Variants in KCNQ1 observed in about 807,000 individuals in gnomAD.
KCNQ1 encodes potassium voltage-gated channel subfamily KQT member 1.
Under a neutral mutation model 72.4 loss-of-function variants are expected in KCNQ1, and 49 were observed. The observed-to-expected ratio is 0.68, with a 90% CI of 0.54 to 0.86. The LOEUF is 0.86. KCNQ1 is among the 40% of genes least tolerant of loss of function. KCNQ1 has a pLI of 0.00. For synonymous variants in KCNQ1, 450 were observed against 412.6 expected (o/e 1.09, Z -1.10); for missense variants, 790 against 945.1 (o/e 0.84, Z 2.15).
chr11:2,847,914 G>T lies in KCNQ1; in HGVS notation c.1942G>T (p.Val648Phe). 1 of 1,576,324 alleles carries T rather than the reference G, an allele frequency of 6.3e-7. No individual in the cohort carries two copies. The change falls in exon 16 of 16, where the codon GTC (valine) becomes TTC (phenylalanine). Residue 648 changes from valine to phenylalanine, a missense_variant. Physicochemically the swap from Val to Phe is conservative, Grantham distance 50. Transcript: ENST00000155840. ...ITQPCGSGGS[V>F]DPELFLPSNT... ...CCAGCCCTGCGGCAGTGGCGGCTCC[G>T]TCGACCCTGAGCTCTTCCTGCCCAG...
chr11:2,788,262 A>G (rs1486287858), intron 15 of KCNQ1, among the ~76,000 whole-genome samples: 1 of 150,564 alleles, frequency 6.6e-6, no homozygotes, highest in Non-Finnish European at 1.5e-5. Flanking sequence ...CTCATGACCC[A>G]CGCCTCCCCG....
At chr11:2,506,230 T>C (rs1847102918) in intron 1 of KCNQ1, among the ~76,000 whole-genome samples, 1 of 152,224 alleles carries the variant, frequency 6.6e-6, no homozygotes. Context: ...CCATATTGAG[T>C]TAATTTTTTA....
intron 2 of KCNQ1, among the ~76,000 whole-genome samples, chr11:2,540,932 C>T (rs1847812664): frequency 6.6e-6 from 1 of 152,226 alleles, no homozygotes; most frequent in Non-Finnish European, 1.5e-5. Flanking sequence ...GAAAAACACA[C>T]TCGTGTCCAG....
At chr11:2,545,944 T>G (rs1284311634) in intron 2 of KCNQ1, among the ~76,000 whole-genome samples, 1 of 152,204 alleles carries the variant, frequency 6.6e-6, no homozygotes, top group Non-Finnish European at 1.5e-5. Flanking sequence ...TTAGCAAATT[T>G]ATGGATCTCA....
chr11:2,481,636 G>A lies in KCNQ1; in HGVS notation c.386+36152G>A, dbSNP rs1026533432. Reference sequence around the variant, plus strand: ...CACTCCCCATCACTCGCATTACCGCGTGAGCTCTGCCTCCTATCAGATCAG... The same window carrying A: ...CACTCCCCATCACTCGCATTACCGCATGAGCTCTGCCTCCTATCAGATCAG... On this transcript the variant is annotated intron_variant, in intron 1 of 15. Coordinates refer to ENST00000155840, the MANE Select transcript of KCNQ1 (RefSeq NM_000218.3). This position sits in a 1 kb window ranked among gnomAD's most constrained non-coding sequence, Gnocchi z 4.6. Among the ~76,000 whole-genome samples the A allele has an allele frequency of 5.3e-5, 8 of 152,178 alleles. No individual in the cohort carries two copies. Among genetic ancestry groups the A allele is most frequent in the South Asian group, 2.1e-4 (1 of 4,826 alleles).
chr11:2,815,668 C>T lies in KCNQ1; in HGVS notation c.1795-32099C>T, dbSNP rs1847598437. Among the ~76,000 whole-genome samples, 1 of 152,138 alleles carries T rather than the reference C, an allele frequency of 6.6e-6. No homozygotes were observed. The highest frequency in any genetic ancestry group is 1.5e-5 in the Non-Finnish European group (1 of 68,018). ...ATCGCCCCCAGCCCCAGGCTGACCC[C>T]AGTCCCTCCCTATGCAGGCAGAGGG... is the stretch of plus-strand genomic sequence containing the variant. On this transcript the variant is annotated intron_variant, in intron 15 of 15. Transcript: ENST00000155840. The surrounding 1 kb of genome is among the most constrained non-coding windows in gnomAD (Gnocchi z 5.4).
intron 1 of KCNQ1, among the ~76,000 whole-genome samples, chr11:2,448,622 G>A (rs557313445): frequency 2.4e-4 from 36 of 152,354 alleles, no homozygotes; most frequent in African/African-American, 7.7e-4. Context: ...GTGGGGCTGG[G>A]CACAGAGGAG....
In KCNQ1 at chr11:2,445,663, G is replaced by A. The variant is rs61080312; in HGVS notation, c.386+179G>A. Among the ~76,000 whole-genome samples the A allele has an allele frequency of 4.7e-3, 717 of 152,296 alleles. 6 individuals are homozygous for A. Among genetic ancestry groups the A allele is most frequent in the African/African-American group, 0.016 (673 of 41,554 alleles). On this transcript the variant is annotated intron_variant, in intron 1 of 15. Transcript: ENST00000155840. ...CTCTCCCTTGAAGTTCAGAGGCGCT[G>A]CTGTGTCTGGGGGTGCGCATCTTCT...
intron 11 of KCNQ1, among the ~76,000 whole-genome samples, chr11:2,717,081 A>C (rs1219773647): frequency 1.3e-5 from 2 of 152,156 alleles, no homozygotes; most frequent in East Asian, 1.9e-4. Flanking sequence ...TCCACCATGA[A>C]GTGGCCGGGG....
rs1189997127 is a variant in KCNQ1, at chr11:2,456,776, A to C, written c.386+11292A>C. 2.5e-4 allele frequency among the ~76,000 whole-genome samples: 34 copies of C among 137,610 alleles called. 1 individual carries two copies. In the South Asian group the frequency reaches 4.9e-3, roughly 20 times the overall value. The allele number at this position is 137,610 out of a possible 152,430, so 90.3% of individuals were successfully genotyped here. A position where few individuals can be genotyped will look rare whatever the true frequency, so the allele number is the denominator to read the frequency against. ...CTCTACTAAAAATCCAAAAAAAAAAAAAAAAAAAAAAAATTAGCCGGGCGT... is the reference window on the plus strand; with the variant it reads ...CTCTACTAAAAATCCAAAAAAAAAACAAAAAAAAAAAAATTAGCCGGGCGT... On this transcript the variant is annotated intron_variant, in intron 1 of 15. Transcript: ENST00000155840.
At position 2,848,560 on chromosome 11, in the gene KCNQ1, G is replaced by A. The variant is rs1410284676; in HGVS notation, c.*557G>A. On this transcript the variant is annotated 3_prime_UTR_variant, in exon 16 of 16. Transcript: ENST00000155840. The stretch of plus-strand genomic sequence containing the variant: ...ACTCTCAGGAAATGCTGACCCATGG[G>A]CAGGAGACTGTGGAGACTGCTCCTG... 8 of 454,164 alleles carry A rather than the reference G, an allele frequency of 1.8e-5. No individual in the cohort carries two copies. The East Asian group carries it at 5.5e-4, about 31-fold the overall frequency. The allele number at this position is 454,164 out of a possible 1,614,324, so 28.1% of individuals were successfully genotyped here. A position where few individuals can be genotyped will look rare whatever the true frequency, so the allele number is the denominator to read the frequency against.
At chr11:2,505,069 T>G (rs561951710) in intron 1 of KCNQ1, among the ~76,000 whole-genome samples, 1 of 150,394 alleles carries the variant, frequency 6.6e-6, no homozygotes, top group Non-Finnish European at 1.5e-5. Context: ...TTTTTTTTTT[T>G]AATTTAAGTC....
intron 1 of KCNQ1, among the ~76,000 whole-genome samples, chr11:2,474,468 C>A (rs1846542105): frequency 6.6e-6 from 1 of 152,182 alleles, no homozygotes; most frequent in Non-Finnish European, 1.5e-5. Context: ...AGATGATGGG[C>A]CCTAAGTGGC....
chr11:2,737,761 G>A (rs947035301), intron 11 of KCNQ1, among the ~76,000 whole-genome samples: 22 of 152,162 alleles, frequency 1.4e-4, no homozygotes, highest in African/African-American at 5.1e-4. Context: ...TGTCCACCTC[G>A]CTGCCAGGGA....
In KCNQ1 at chr11:2,848,366, G is replaced by A; in HGVS notation, c.*363G>A. The A allele has an allele frequency of 1.9e-6, 1 of 525,374 alleles. No homozygotes were observed. Among genetic ancestry groups the A allele is most frequent in the Non-Finnish European group, 3.7e-6 (1 of 273,128 alleles). The allele number at this position is 525,374 out of a possible 1,614,324, so 32.5% of individuals were successfully genotyped here. A position where few individuals can be genotyped will look rare whatever the true frequency, so the allele number is the denominator to read the frequency against. On this transcript the variant is annotated 3_prime_UTR_variant, in exon 16 of 16. Transcript: ENST00000155840. ...CACAGGCTGAGTGCAGGCCCACCCT[G>A]CTTGGCCCAGGGGGCTTCCTGAGGG...
At chr11:2,472,033 T>C (rs1224018683) in intron 1 of KCNQ1, among the ~76,000 whole-genome samples, 1 of 150,512 alleles carries the variant, frequency 6.6e-6, no homozygotes, top group Non-Finnish European at 1.5e-5. Context: ...TATGGTTGTG[T>C]GTGTATAGGT....
Position 2,787,318 on chromosome 11 carries a change from G to GT in KCNQ1, c.1794+9282dup, listed in dbSNP as rs974966993. Among the ~76,000 whole-genome samples, 1 of 152,160 alleles carries GT rather than the reference G, an allele frequency of 6.6e-6. No individual in the cohort carries two copies. The highest frequency in any genetic ancestry group is 1.5e-5 in the Non-Finnish European group (1 of 68,038). On this transcript the variant is annotated intron_variant, in intron 15 of 15. Coordinates refer to ENST00000155840, the MANE Select transcript of KCNQ1 (RefSeq NM_000218.3). This position sits in a 1 kb window ranked among gnomAD's most constrained non-coding sequence, Gnocchi z 6.3. ...AGCCCTTTGAGGGTCCCAGCTTTGT[G>GT]TAAGTCTCTGCTATGAGACTTCCTG...
Position 2,748,879 on chromosome 11 carries a change from C to T in KCNQ1, c.1515-19965C>T, listed in dbSNP as rs143580933. 4.9e-3 allele frequency among the ~76,000 whole-genome samples: 754 copies of T among 152,356 alleles called. 5 individuals are homozygous for T. The highest frequency in any genetic ancestry group is 0.017 in the African/African-American group (711 of 41,592). On this transcript the variant is annotated intron_variant, in intron 11 of 15. Coordinates refer to ENST00000155840, the MANE Select transcript of KCNQ1 (RefSeq NM_000218.3). This position sits in a 1 kb window ranked among gnomAD's most constrained non-coding sequence, Gnocchi z 6.2. ...GCAGCTGGGTGTGCAGGGGCAGCCC[C>T]AGACCTCCAGAGTGCCCTCTTCCCC...
intron 14 of KCNQ1, chr11:2,777,771 A>T (rs796718251): frequency 9.5e-6 from 6 of 634,868 alleles, no homozygotes; most frequent in Middle Eastern, 5.2e-4. Flanking sequence ...GATGGAGCCC[A>T]GGTCCCCAGC....
Sources: gnomAD v4.1 joint callset for allele counts (sites outside exome capture counted in the v4.1 genomes callset) on GRCh38, gnomAD v4.1.1 for gene constraint, Gnocchi (gnomAD v3.1) non-coding constraint, MANE v1.5 for transcripts, NCBI Gene and HGNC (gene_info 2026-07-23, HGNC 2026-07-21) for gene names.